The following USH2A variants were observed in gnomAD, a reference collection of about 807,000 sequenced individuals.
USH2A encodes usherin.
USH2A carries 443 observed loss-of-function variants against 538.9 expected under a neutral mutation model. That is an observed-to-expected ratio of 0.82 (90% CI 0.76 to 0.89). USH2A has a LOEUF of 0.89. Among genes scored for constraint, USH2A ranks in the 40% least tolerant of loss-of-function variants. The pLI is 0.00. For missense variants in USH2A, 6,633 were observed against 6,324.8 expected (o/e 1.05, Z -1.65); for synonymous variants, 2,413 against 2,273.5 (o/e 1.06, Z -1.75).
chr1:216,397,423 G>A (rs533540436), intron 3 of USH2A, among the ~76,000 whole-genome samples: 1 of 152,304 alleles, frequency 6.6e-6, no homozygotes, highest in South Asian at 2.1e-4. Flanking sequence ...ATCTATTGCG[G>A]TGTTTCCAGA....
At chr1:216,013,510 G>A (rs1175556079) in intron 32 of USH2A, among the ~76,000 whole-genome samples, 4 of 152,002 alleles carry the variant, frequency 2.6e-5, no homozygotes, top group Non-Finnish European at 4.4e-5. Flanking sequence ...TGACCTGCAC[G>A]TACACATCCA....
At chr1:216,121,108 C>T (rs1227252655) in intron 21 of USH2A, among the ~76,000 whole-genome samples, 1 of 152,084 alleles carries the variant, frequency 6.6e-6, no homozygotes, top group Non-Finnish European at 1.5e-5. Flanking sequence ...TAAGTAGGAA[C>T]AAATCCTTTA....
Position 216,421,911 on chromosome 1 carries a change from T to G in USH2A, c.426A>C (p.Pro142=). ...CTAAGGTAAATGATGCCATCAGCTT[T>G]GGAGAAGGAGGAGAAGAAAAGCAGC... The part of the protein sequence containing the change: ...HKSCFSSPPS[P]KLMASFTLAV... The change falls in exon 2 of 72, where the codon CCA becomes CCC. Residue 142 remains proline, a synonymous_variant. Transcript: ENST00000307340. The G allele has an allele frequency of 1.2e-6, 2 of 1,613,932 alleles. No individual in the cohort carries two copies. Among genetic ancestry groups the G allele is most frequent in the Non-Finnish European group, 1.7e-6 (2 of 1,179,910 alleles).
At chr1:216,032,233 T>C (rs746247290) in intron 32 of USH2A, among the ~76,000 whole-genome samples, 1 of 152,188 alleles carries the variant, frequency 6.6e-6, no homozygotes, top group Non-Finnish European at 1.5e-5. Context: ...TTAAGAATAT[T>C]TATGATGATA....
intron 30 of USH2A, among the ~76,000 whole-genome samples, chr1:216,054,696 T>C (rs1279517947): frequency 6.6e-6 from 1 of 151,818 alleles, no homozygotes; most frequent in African/African-American, 2.4e-5. Context: ...ACCAAGGTGT[T>C]TGGCCGGCAT....
At chr1:215,939,074 A>C (rs763217472) in intron 37 of USH2A, among the ~76,000 whole-genome samples, 58 of 152,324 alleles carry the variant, frequency 3.8e-4, no homozygotes, top group Middle Eastern at 3.4e-3. Context: ...TCTACAAGAA[A>C]ATTTAAAATA....
chr1:216,121,411 C>CT (rs35919271), intron 21 of USH2A, among the ~76,000 whole-genome samples: 53,332 of 151,518 alleles, frequency 0.35, 10,306 homozygotes, highest in East Asian at 0.73. Context: ...TGGTTTTTTT[C>CT]TTTTTTTTAA....
At chr1:216,008,428 GC>G (rs1668459302) in intron 32 of USH2A, among the ~76,000 whole-genome samples, 1 of 151,266 alleles carries the variant, frequency 6.6e-6, no homozygotes, top group African/African-American at 2.4e-5. Context: ...CTATAAAACG[GC>G]CCCACCCCTA....
chr1:215,900,657 C>T, intron 39 of USH2A, 98 bp downstream of exon 39: 1 of 1,497,994 alleles, frequency 6.7e-7, no homozygotes, highest in Non-Finnish European at 9.2e-7. Flanking sequence ...TAAAAGGTAA[C>T]CTATATTTTT....
Position 216,048,571 on chromosome 1 carries a change from C to T in USH2A, c.6126G>A (p.Glu2042=), listed in dbSNP as rs768651513. ...TAGAGATGTTCAATGCATGTGAGCT[C>T]TCAGTACAGCCAGCCAAAGTGCAAG... ...LTACTLAGCT[E]SSHALNISTP... The change falls in exon 31 of 72, where the codon GAG becomes GAA. Residue 2042 remains glutamate, a synonymous_variant. Transcript: ENST00000307340. 1 of 1,614,056 alleles carries T rather than the reference C, an allele frequency of 6.2e-7. No homozygotes were observed. Among genetic ancestry groups the T allele is most frequent in the Non-Finnish European group, 8.5e-7 (1 of 1,179,984 alleles).
chr1:215,999,173 T>A, intron 33 of USH2A, 115 bp from the exon 34 acceptor site: 1 of 906,710 alleles, frequency 1.1e-6, no homozygotes, highest in South Asian at 1.6e-5. Context: ...AAAACATAAA[T>A]CTCAAAATTG....
chr1:215,784,890 C>T (rs191956932), intron 52 of USH2A, among the ~76,000 whole-genome samples: 117 of 152,182 alleles, frequency 7.7e-4, no homozygotes, highest in Admixed American at 4.4e-3. Flanking sequence ...TTATTAAAAG[C>T]CCTTCAAAAT....
intron 61 of USH2A, among the ~76,000 whole-genome samples, chr1:215,697,404 A>T (rs1454533725): frequency 6.6e-6 from 1 of 152,144 alleles, no homozygotes; most frequent in Non-Finnish European, 1.5e-5. Flanking sequence ...CTGAAGCTTT[A>T]CTTCAAATGA....
At chr1:216,412,395 A>G (rs1406032073) in intron 3 of USH2A, among the ~76,000 whole-genome samples, 2 of 152,182 alleles carry the variant, frequency 1.3e-5, no homozygotes, top group African/African-American at 2.4e-5. Context: ...ATAAGGGTTG[A>G]TTCTATAAGG....
intron 21 of USH2A, among the ~76,000 whole-genome samples, chr1:216,149,577 A>G (rs2033792256): frequency 1.3e-5 from 2 of 152,170 alleles, no homozygotes; most frequent in Non-Finnish European, 2.9e-5. Flanking sequence ...TACAGGGTAC[A>G]GTCCATTTGA....
chr1:216,108,177 A>G (rs962497181), intron 21 of USH2A, among the ~76,000 whole-genome samples: 5 of 151,870 alleles, frequency 3.3e-5, no homozygotes, highest in Non-Finnish European at 5.9e-5. Flanking sequence ...TTCATGATAT[A>G]CTAACTCTTT....
chr1:216,246,852 T>C lies in USH2A; in HGVS notation c.2542A>G (p.Asn848Asp). The C allele has an allele frequency of 1.9e-6, 3 of 1,614,154 alleles. No individual in the cohort carries two copies. Among genetic ancestry groups the C allele is most frequent in the East Asian group, 2.2e-5 (1 of 44,880 alleles). ...TTTATTGTCCCAGTCTTATCACAGT[T>C]GCAAGGCAGACAGAGGAAAGAATTA... ...QNNSFLCLPCNCDKTGTINGS... is the reference protein window; with the variant it reads ...QNNSFLCLPCDCDKTGTINGS... Residue 848 changes from asparagine to aspartate, a missense_variant, in exon 13 of 72, where the codon AAC (asparagine) becomes GAC (aspartate). Transcript: ENST00000307340.
intron 19 of USH2A, chr1:216,194,283 A>AC (rs2034787107): frequency 2.6e-5 from 4 of 152,064 alleles, no homozygotes; most frequent in African/African-American, 9.7e-5. Flanking sequence ...TTAAACTTCC[A>AC]TTAGTGGTGA....
chr1:215,688,237 T>C lies in USH2A; in HGVS notation c.12067-7861A>G, dbSNP rs549205068. On this transcript the variant is annotated intron_variant, in intron 61 of 71. Transcript: ENST00000307340. ...AACTCTAAGATGGGAACAGACTTGG[T>C]GTTTTTGTTGACAGAAAGGAGCTAG... Among the ~76,000 whole-genome samples, 6 of 152,184 alleles carry C rather than the reference T, an allele frequency of 3.9e-5. No homozygotes were observed. In the East Asian group the frequency reaches 1.2e-3, roughly 29 times the overall value.
Sources: gnomAD v4.1 joint callset for allele counts (sites outside exome capture counted in the v4.1 genomes callset) on GRCh38, gnomAD v4.1.1 for gene constraint, MANE v1.5 for transcripts, NCBI Gene and HGNC (gene_info 2026-07-23, HGNC 2026-07-21) for gene names.